USP24: variants seen among roughly 807,000 people sequenced by gnomAD.
USP24 encodes the protein ubiquitin carboxyl-terminal hydrolase 24.
Under a neutral mutation model 361.6 loss-of-function variants are expected in USP24, and 97 were observed. That is an observed-to-expected ratio of 0.27 (90% CI 0.23 to 0.32). USP24 has a LOEUF of 0.32. Among genes scored for constraint, USP24 ranks in the 10% least tolerant of loss-of-function variants. The pLI, the probability that USP24 is intolerant of heterozygous loss-of-function variation, is 1.00. For synonymous variants in USP24, 1,098 were observed against 1,124.6 expected, an observed-to-expected ratio of 0.98 and a Z score of 0.47; for missense variants, 2,353 against 3,165.6, an observed-to-expected ratio of 0.74 and a Z score of 6.16.
At chr1:55,121,934 C>G (rs1646294496) in intron 36 of USP24, among the ~76,000 whole-genome samples, 1 of 152,064 alleles carries the variant, frequency 6.6e-6, no homozygotes, top group Admixed American at 6.5e-5. Flanking sequence ...AATCAAACAG[C>G]TAAGGGTAGG....
rs1645197244 is a variant in USP24 at position 55,083,757 on chromosome 1, A to G, written c.6882+15T>C. On this transcript the variant is annotated intron_variant, in intron 57 of 67. Coordinates refer to ENST00000294383, the MANE Select transcript of USP24 (RefSeq NM_015306.3). Reference sequence around the variant, plus strand: ...TTCTGTATTAGGAAAAGATATTAGGAAAAAAATTATTTACCTTTTGTACAA... The same window carrying G: ...TTCTGTATTAGGAAAAGATATTAGGGAAAAAATTATTTACCTTTTGTACAA... The G allele has an allele frequency of 3.2e-6, 5 of 1,541,522 alleles. No homozygotes were observed. The highest frequency in any genetic ancestry group is 4.4e-6 in the Non-Finnish European group (5 of 1,142,046).
intron 1 of USP24, among the ~76,000 whole-genome samples, chr1:55,208,536 G>GCC (rs1397328596): frequency 6.6e-6 from 1 of 152,068 alleles, no homozygotes; most frequent in Non-Finnish European, 1.5e-5. Flanking sequence ...GGTTGAGGCA[G>GCC]GAGAATCACT....
chr1:55,201,346 C>A (rs1342218030), intron 1 of USP24, among the ~76,000 whole-genome samples: 3 of 152,088 alleles, frequency 2.0e-5, no homozygotes, highest in Non-Finnish European at 4.4e-5. Flanking sequence ...TGGCTCATGC[C>A]TGTAATCGCA....
rs17111648 is a variant in USP24, at chr1:55,123,222, T to C, written c.4276+225A>G. ...GCAAGCTCGTGGTGTGCAGACATAC[T>C]GCTCTGGTGACAGCAACTGCGGAAC... On this transcript the variant is annotated intron_variant, in intron 36 of 67. Transcript: ENST00000294383. Among the ~76,000 whole-genome samples, 5,530 of 152,318 alleles carry C rather than the reference T, an allele frequency of 0.036. 316 individuals are homozygous for C. Among genetic ancestry groups the C allele is most frequent in the African/African-American group, 0.13 (5,229 of 41,548 alleles).
At chr1:55,177,874 T>C in intron 2 of USP24, 93 bp downstream of exon 2, 1 of 1,230,932 alleles carries the variant, frequency 8.1e-7, no homozygotes, top group Admixed American at 2.7e-5. Context: ...ATCTGTCCAA[T>C]AACACACAGC....
At chr1:55,103,179 C>T (rs1645683267) in intron 42 of USP24, among the ~76,000 whole-genome samples, 1 of 152,178 alleles carries the variant, frequency 6.6e-6, no homozygotes, top group Non-Finnish European at 1.5e-5. Flanking sequence ...CAGCTGTGTT[C>T]ATATTCTTCT....
At chr1:55,077,524 A>G (rs938926739) in intron 61 of USP24, among the ~76,000 whole-genome samples, 6 of 152,232 alleles carry the variant, frequency 3.9e-5, no homozygotes, top group African/African-American at 1.2e-4. Context: ...CTATGAAATT[A>G]GGAAGGAGAA....
At position 55,137,686 on chromosome 1, in the gene USP24, C is replaced by T. The variant is rs1646776499; in HGVS notation, c.3030G>A (p.Leu1010=). ...GTAGCTTTTGATCTTTATTCACTGT[C>T]AGCTGCAAAAAGTGGTTTCTTAATT... The part of the protein sequence containing the change: ...NIQIFTNDSL[L]TVNKDQKLLH... The change falls in exon 28 of 68, where the codon CTG becomes CTA. Residue 1010 remains leucine (L), a splice_region_variant and synonymous_variant. Transcript: ENST00000294383. 6.2e-7 allele frequency: 1 copy of T among 1,608,010 alleles called. No homozygotes were observed. Among genetic ancestry groups the T allele is most frequent in the Non-Finnish European group, 8.5e-7 (1 of 1,177,736 alleles).
chr1:55,082,636 G>A (rs1645173237), intron 58 of USP24, among the ~76,000 whole-genome samples: 1 of 152,092 alleles, frequency 6.6e-6, no homozygotes, highest in Non-Finnish European at 1.5e-5. Flanking sequence ...AAAATACAAA[G>A]TTAGCCAGGC....
intron 38 of USP24, among the ~76,000 whole-genome samples, chr1:55,117,270 CA>C (rs1646140442): frequency 1.3e-5 from 2 of 152,182 alleles, no homozygotes; most frequent in African/African-American, 4.8e-5. Context: ...AGAGCAGAAA[CA>C]AGGATGCCCA....
intron 1 of USP24, among the ~76,000 whole-genome samples, chr1:55,194,705 T>G (rs1017449318): frequency 3.3e-5 from 5 of 152,126 alleles, no homozygotes; most frequent in Non-Finnish European, 7.4e-5. Flanking sequence ...GACTCTAACC[T>G]TGGTGCCCTC....
chr1:55,207,736 C>T (rs1369962029), intron 1 of USP24, among the ~76,000 whole-genome samples: 4 of 152,078 alleles, frequency 2.6e-5, no homozygotes, highest in Non-Finnish European at 5.9e-5. Flanking sequence ...CTATGGCTAT[C>T]AAGGGACAAC....
At chr1:55,073,082 T>C (rs1045590738) in intron 64 of USP24, 44 of 550,382 alleles carry the variant, frequency 8.0e-5, no homozygotes, top group African/African-American at 7.0e-4. Context: ...CAGTCTTCAA[T>C]AGGTCCAGAG....
At chr1:55,130,857 G>A (rs1161058555) in intron 31 of USP24, among the ~76,000 whole-genome samples, 1 of 152,148 alleles carries the variant, frequency 6.6e-6, no homozygotes, top group Non-Finnish European at 1.5e-5. Context: ...CCTTTTAGCT[G>A]ACAGCAAAAT....
intron 45 of USP24, among the ~76,000 whole-genome samples, chr1:55,099,406 A>C (rs1215583203): frequency 2.0e-5 from 3 of 152,048 alleles, no homozygotes; most frequent in African/African-American, 7.2e-5. Flanking sequence ...AAAAGTACAA[A>C]AATTAGCCGG....
chr1:55,183,445 G>A (rs1270347088), intron 1 of USP24, among the ~76,000 whole-genome samples: 1 of 152,084 alleles, frequency 6.6e-6, no homozygotes, highest in East Asian at 1.9e-4. Flanking sequence ...CTGAGTAAAG[G>A]TTACTTCTCT....
At chr1:55,081,457 G>A (rs1227182502) in intron 58 of USP24, 33 bp from the exon 59 acceptor site, 1 of 1,583,574 alleles carries the variant, frequency 6.3e-7, no homozygotes, top group East Asian at 2.2e-5. Flanking sequence ...GGCTGTTAGT[G>A]TTGTCGTCAG....
chr1:55,138,509 C>A lies in USP24; in HGVS notation c.2928+99G>T, dbSNP rs545955653. ...TATTCTACATTTGTTTACCAAACTA[C>A]CTTTAGAATGATTATTCATGCAGCT... On this transcript the variant is annotated intron_variant, in intron 26 of 67. Transcript: ENST00000294383. 6.9e-5 allele frequency: 57 copies of A among 820,858 alleles called. No homozygotes were observed. The East Asian group carries it at 1.4e-3, about 21-fold the overall frequency. 50.8% of individuals were successfully genotyped at this position (820,858 alleles called of 1,614,324 possible).
chr1:55,138,766 C>G, intron 25 of USP24, 48 bp from the exon 26 acceptor site: 1 of 1,423,704 alleles, frequency 7.0e-7, no homozygotes, highest in Middle Eastern at 1.8e-4. Context: ...CACTGATAAA[C>G]ACATCAAAAA....
Sources: allele counts gnomAD v4.1 joint callset (sites outside exome capture counted in the v4.1 genomes callset), GRCh38; gene constraint gnomAD v4.1.1; transcripts MANE v1.5; gene names NCBI Gene and HGNC (gene_info 2026-07-23, HGNC 2026-07-21).